The following RSBN1L variants were observed in gnomAD, a reference collection of about 807,000 sequenced individuals.
RSBN1L encodes the protein round spermatid basic protein 1 like, also known as lysine-specific demethylase RSBN1L.
RSBN1L carries 30 observed loss-of-function variants against 67.7 expected under a neutral mutation model. The ratio of observed to expected loss-of-function variants is 0.44; its 90% CI spans 0.33 to 0.60. RSBN1L has a LOEUF of 0.60. Among genes scored for constraint, RSBN1L ranks in the 20% least tolerant of loss-of-function variants. The pLI, the probability that RSBN1L is intolerant of heterozygous loss-of-function variation, is 0.02. For synonymous variants in RSBN1L, 433 were observed against 387.0 expected (o/e 1.12, Z -1.39); for missense variants, 992 against 1,031.7 (o/e 0.96, Z 0.53).
chr7:77,698,970 G>A (rs1038952317), intron 1 of RSBN1L, among the ~76,000 whole-genome samples: 2 of 152,048 alleles, frequency 1.3e-5, no homozygotes, highest in African/African-American at 4.8e-5. Context: ...TTGATGTTCT[G>A]TTTTAACGAA....
chr7:77,771,126 G>C (rs546681810), intron 5 of RSBN1L, among the ~76,000 whole-genome samples: 8 of 152,222 alleles, frequency 5.3e-5, no homozygotes, highest in Non-Finnish European at 1.0e-4. Context: ...ATTTTCAGTA[G>C]AGATGGTGTT....
chr7:77,780,162 TA>T lies in RSBN1L; in HGVS notation c.*996del, dbSNP rs1791980725. The T allele has an allele frequency of 6.6e-6, 1 of 152,016 alleles. No individual in the cohort carries two copies. Among genetic ancestry groups the T allele is most frequent in the African/African-American group, 2.4e-5 (1 of 41,412 alleles). 9.4% of individuals were successfully genotyped at this position (152,016 alleles called of 1,614,324 possible). On this transcript the variant is annotated 3_prime_UTR_variant, in exon 8 of 8. Transcript: ENST00000334955. ...GCATTTTTAACAACCAAGACTCAGT[TA>T]AGAAAGTGTGCATCTGCGTGTGTGT...
At chr7:77,772,693 G>A (rs1226330763) in intron 5 of RSBN1L, among the ~76,000 whole-genome samples, 1 of 152,202 alleles carries the variant, frequency 6.6e-6, no homozygotes, top group Non-Finnish European at 1.5e-5. Flanking sequence ...GTCCTCTTCT[G>A]TCTTATTTGC....
intron 5 of RSBN1L, among the ~76,000 whole-genome samples, chr7:77,770,647 C>G (rs192316769): frequency 1.3e-5 from 2 of 152,166 alleles, no homozygotes; most frequent in African/African-American, 4.8e-5. Context: ...CATCACTGCA[C>G]TCCAGCCTGG....
At chr7:77,729,644 A>G (rs955312142) in intron 1 of RSBN1L, among the ~76,000 whole-genome samples, 1 of 152,142 alleles carries the variant, frequency 6.6e-6, no homozygotes, top group African/African-American at 2.4e-5. Context: ...TGAAGATCCC[A>G]TTTGTATTTT....
intron 1 of RSBN1L, among the ~76,000 whole-genome samples, chr7:77,700,562 C>T: frequency 6.6e-6 from 1 of 152,134 alleles, no homozygotes; most frequent in East Asian, 1.9e-4. Flanking sequence ...GGATGGGTGT[C>T]TGAAGATTTT....
At chr7:77,771,827 T>C (rs1440024372) in intron 5 of RSBN1L, among the ~76,000 whole-genome samples, 1 of 31,864 alleles carries the variant, frequency 3.1e-5, no homozygotes, top group East Asian at 4.2e-4. Context: ...TGATTCTTAA[T>C]TTTTTTTTCT....
In RSBN1L at chr7:77,748,115, G is replaced by T. The variant is rs150272741; in HGVS notation, c.704-1309G>T. On this transcript the variant is annotated intron_variant, in intron 2 of 7. Coordinates refer to ENST00000334955, the MANE Select transcript of RSBN1L (RefSeq NM_198467.3). ...CACTGTCTTTGGATTCCAGACTGAAGAGATTATAGGTAGACATTGAGAGCT... is the reference window on the plus strand; with the variant it reads ...CACTGTCTTTGGATTCCAGACTGAATAGATTATAGGTAGACATTGAGAGCT... Among the ~76,000 whole-genome samples, 45 of 152,246 alleles carry T rather than the reference G, an allele frequency of 3.0e-4. No homozygotes were observed. The East Asian group carries it at 8.5e-3, about 29-fold the overall frequency.
At chr7:77,713,907 C>T (rs1026851630) in intron 1 of RSBN1L, among the ~76,000 whole-genome samples, 2 of 152,100 alleles carry the variant, frequency 1.3e-5, no homozygotes, top group African/African-American at 4.8e-5. Context: ...TGATTAAAAT[C>T]TTTGCTCTGT....
chr7:77,702,915 C>T (rs1371013735), intron 1 of RSBN1L, among the ~76,000 whole-genome samples: 2 of 152,054 alleles, frequency 1.3e-5, no homozygotes, highest in African/African-American at 2.4e-5. Flanking sequence ...TGCCCTTTGA[C>T]CTCATTTAAT....
At chr7:77,747,913 G>GA (rs1013181052) in intron 2 of RSBN1L, among the ~76,000 whole-genome samples, 1 of 151,230 alleles carries the variant, frequency 6.6e-6, no homozygotes, top group African/African-American at 2.4e-5. Flanking sequence ...CAGCTTCTCG[G>GA]GGGGGAGCTC....
At chr7:77,767,369 T>G (rs1031127273) in intron 4 of RSBN1L, among the ~76,000 whole-genome samples, 1 of 151,984 alleles carries the variant, frequency 6.6e-6, no homozygotes, top group Non-Finnish European at 1.5e-5. Flanking sequence ...CTCTGTCTTT[T>G]TTTGTTTGTT....
intron 2 of RSBN1L, among the ~76,000 whole-genome samples, chr7:77,739,711 G>GAAAAA (rs1158112982): frequency 2.9e-5 from 1 of 34,410 alleles, no homozygotes; most frequent in Non-Finnish European, 5.1e-5. Flanking sequence ...TTGGTCTCAG[G>GAAAAA]AAAAAAAAAA....
chr7:77,772,096 A>C (rs1238900703), intron 5 of RSBN1L, among the ~76,000 whole-genome samples: 1 of 152,198 alleles, frequency 6.6e-6, no homozygotes, highest in Non-Finnish European at 1.5e-5. Context: ...TGGGTTTGAG[A>C]ACCTGTTAGG....
intron 1 of RSBN1L, among the ~76,000 whole-genome samples, chr7:77,721,858 C>G (rs1226703164): frequency 6.6e-6 from 1 of 152,004 alleles, no homozygotes; most frequent in Non-Finnish European, 1.5e-5. Flanking sequence ...ACATGGTAAA[C>G]TATACATTTA....
intron 3 of RSBN1L, among the ~76,000 whole-genome samples, chr7:77,758,453 G>T (rs1423291262): frequency 6.6e-6 from 1 of 152,182 alleles, no homozygotes; most frequent in Non-Finnish European, 1.5e-5. Flanking sequence ...GGAGAATGAG[G>T]TGTCCATCTC....
At chr7:77,701,113 CTG>C (rs1228004685) in intron 1 of RSBN1L, among the ~76,000 whole-genome samples, 2 of 42,944 alleles carry the variant, frequency 4.7e-5, no homozygotes, top group Non-Finnish European at 9.2e-5. Context: ...GATGGCGTCA[CTG>C]TACTCCAGCC....
At chr7:77,761,916 C>G (rs1406194632) in intron 3 of RSBN1L, among the ~76,000 whole-genome samples, 3 of 151,984 alleles carry the variant, frequency 2.0e-5, no homozygotes, top group Non-Finnish European at 4.4e-5. Flanking sequence ...GGTGGGTGAT[C>G]ATCATTTTAT....
intron 2 of RSBN1L, among the ~76,000 whole-genome samples, chr7:77,742,182 TAC>T (rs1169498942): frequency 0.018 from 1,455 of 80,280 alleles, 21 homozygotes; most frequent in Middle Eastern, 0.044. Context: ...AAAAAAAAAA[TAC>T]ACACACACAC....
Sources: allele counts gnomAD v4.1 joint callset (sites outside exome capture counted in the v4.1 genomes callset), GRCh38; gene constraint gnomAD v4.1.1; transcripts MANE v1.5; gene names NCBI Gene and HGNC (gene_info 2026-07-23, HGNC 2026-07-21).